GUCY2C: variants seen among roughly 807,000 people sequenced by gnomAD.
The protein encoded by GUCY2C is guanylate cyclase 2C, also known as guanylyl cyclase C.
Under a neutral mutation model 131.1 loss-of-function variants are expected in GUCY2C, and 118 were observed. That is an observed-to-expected ratio of 0.90 (90% confidence interval 0.78 to 1.05). The LOEUF (loss-of-function observed/expected upper bound fraction) is 1.05, where lower values mean the gene tolerates loss of function less well. Among genes scored for constraint, GUCY2C ranks in the 50% least tolerant of loss-of-function variants. GUCY2C has a pLI of 0.00. For synonymous variants in GUCY2C, 452 were observed against 457.8 expected (o/e 0.99, Z 0.16); for missense variants, 1,161 against 1,304.4 (o/e 0.89, Z 1.69).
At chr12:14,691,245 G>A (rs1948570278) in intron 1 of GUCY2C, among the ~76,000 whole-genome samples, 1 of 152,160 alleles carries the variant, frequency 6.6e-6, no homozygotes, top group African/African-American at 2.4e-5. Context: ...GGTAGGACTA[G>A]CCAAATAGGA....
At chr12:14,689,536 G>A (rs938761558) in intron 1 of GUCY2C, among the ~76,000 whole-genome samples, 58 of 152,188 alleles carry the variant, frequency 3.8e-4, no homozygotes, top group African/African-American at 1.4e-3. Flanking sequence ...CAAAAGGGGT[G>A]TCTTGGTCAG....
intron 18 of GUCY2C, 124 bp from the exon 19 acceptor site, chr12:14,640,074 A>G (rs1461771963): frequency 2.9e-6 from 2 of 686,472 alleles, no homozygotes; most frequent in African/African-American, 3.6e-5. Context: ...AGAGTGCTGC[A>G]GAGCCTAGAC....
chr12:14,638,941 G>A, intron 19 of GUCY2C, among the ~76,000 whole-genome samples: 1 of 152,116 alleles, frequency 6.6e-6, no homozygotes, highest in African/African-American at 2.4e-5. Flanking sequence ...TACACATTCT[G>A]CGCATATGAC....
intron 15 of GUCY2C, among the ~76,000 whole-genome samples, chr12:14,646,346 T>C (rs1947523329): frequency 6.6e-6 from 1 of 152,190 alleles, no homozygotes; most frequent in African/African-American, 2.4e-5. Flanking sequence ...AGGAGGGGTC[T>C]AAAGTCCTTA....
In GUCY2C at chr12:14,679,792, AG is replaced by A. The variant is rs774861408; in HGVS notation, c.734-40del. 7 of 1,029,102 alleles carry A rather than the reference AG, an allele frequency of 6.8e-6. No homozygotes were observed. In the African/African-American group the frequency reaches 1.1e-4, roughly 16 times the overall value. The allele number at this position is 1,029,102 out of a possible 1,614,324, so 63.7% of individuals were successfully genotyped here. A position where few individuals can be genotyped will look rare whatever the true frequency, so the allele number is the denominator to read the frequency against. On this transcript the variant is annotated intron_variant, in intron 5 of 26. Transcript: ENST00000261170. ...TAAGACAAGGAGAGAAATATATGAC[AG>A]TCTACAGACAAACAGGCAGGGAACC... is the stretch of plus-strand genomic sequence containing the variant.
chr12:14,642,077 T>C (rs1477558781), intron 17 of GUCY2C, among the ~76,000 whole-genome samples: 1 of 152,186 alleles, frequency 6.6e-6, no homozygotes, highest in Non-Finnish European at 1.5e-5. Flanking sequence ...AAAGAGACTA[T>C]GGCTGATATT....
At chr12:14,652,662 T>C (rs1947686913) in intron 13 of GUCY2C, among the ~76,000 whole-genome samples, 1 of 152,198 alleles carries the variant, frequency 6.6e-6, no homozygotes, top group East Asian at 1.9e-4. Context: ...AGCCAAAATA[T>C]AATACTAGGG....
At chr12:14,657,609 A>T (rs192598894) in intron 11 of GUCY2C, among the ~76,000 whole-genome samples, 10 of 152,104 alleles carry the variant, frequency 6.6e-5, no homozygotes, top group Non-Finnish European at 1.3e-4. Flanking sequence ...CTCCTGTCAC[A>T]TCAGTGGTGG....
At chr12:14,666,731 T>G (rs1479456559) in intron 10 of GUCY2C, among the ~76,000 whole-genome samples, 3 of 26,056 alleles carry the variant, frequency 1.2e-4, no homozygotes, top group Non-Finnish European at 2.5e-4. Context: ...CCAGACAATG[T>G]CTCCAAAAAA....
At chr12:14,637,107 A>G (rs997475125) in intron 19 of GUCY2C, among the ~76,000 whole-genome samples, 1 of 151,798 alleles carries the variant, frequency 6.6e-6, no homozygotes, top group Non-Finnish European at 1.5e-5. Context: ...AAAAATTAAC[A>G]TACAAAAATC....
chr12:14,688,127 A>G (rs1475365958), intron 1 of GUCY2C, 64 bp from the exon 2 acceptor site: 6 of 1,001,946 alleles, frequency 6.0e-6, no homozygotes, highest in Middle Eastern at 2.1e-4. Flanking sequence ...TATATCAGCC[A>G]TGAGATTGAT....
chr12:14,654,143 CTG>C (rs1219520410), intron 12 of GUCY2C, among the ~76,000 whole-genome samples: 2 of 152,176 alleles, frequency 1.3e-5, no homozygotes, highest in Non-Finnish European at 2.9e-5. Flanking sequence ...TTATTTTTTT[CTG>C]TGTTACTCTA....
At chr12:14,625,072 A>G (rs1168413131) in intron 21 of GUCY2C, among the ~76,000 whole-genome samples, 3 of 152,194 alleles carry the variant, frequency 2.0e-5, no homozygotes, top group African/African-American at 4.8e-5. Flanking sequence ...CTGCCCTTCT[A>G]TCACAAGGTT....
intron 19 of GUCY2C, among the ~76,000 whole-genome samples, chr12:14,630,689 G>C (rs74070227): frequency 0.012 from 1,824 of 152,222 alleles, 26 homozygotes; most frequent in African/African-American, 0.042. Flanking sequence ...ATCCACAGGG[G>C]TTCCTGGGAC....
chr12:14,654,168 G>C (rs7139434), intron 12 of GUCY2C, among the ~76,000 whole-genome samples: 4 of 152,216 alleles, frequency 2.6e-5, no homozygotes, highest in African/African-American at 9.7e-5. Flanking sequence ...CCTTTGACTT[G>C]CCTGATTTCT....
intron 23 of GUCY2C, among the ~76,000 whole-genome samples, chr12:14,620,771 A>G (rs374086039): frequency 3.9e-4 from 60 of 152,292 alleles, no homozygotes; most frequent in African/African-American, 1.4e-3. Flanking sequence ...GGTGATTTAA[A>G]TAGGAGTCCA....
chr12:14,632,211 T>A (rs1278518774), intron 19 of GUCY2C, among the ~76,000 whole-genome samples: 1 of 152,124 alleles, frequency 6.6e-6, no homozygotes, highest in African/African-American at 2.4e-5. Flanking sequence ...TCTTTTGCTG[T>A]GCAGAAGCTC....
At chr12:14,671,084 G>C (rs1948097661) in intron 9 of GUCY2C, among the ~76,000 whole-genome samples, 1 of 151,922 alleles carries the variant, frequency 6.6e-6, no homozygotes, top group Non-Finnish European at 1.5e-5. Flanking sequence ...ACAACACGTG[G>C]GAATTCTGGG....
At chr12:14,676,490 C>G (rs191066420) in intron 7 of GUCY2C, among the ~76,000 whole-genome samples, 3 of 152,190 alleles carry the variant, frequency 2.0e-5, no homozygotes, top group South Asian at 2.1e-4. Flanking sequence ...TTCCAGTAAC[C>G]CTTGCTTTAT....
Sources: gnomAD v4.1 joint callset for allele counts (sites outside exome capture counted in the v4.1 genomes callset) on GRCh38, gnomAD v4.1.1 for gene constraint, MANE v1.5 for transcripts, NCBI Gene and HGNC (gene_info 2026-07-23, HGNC 2026-07-21) for gene names.